OTOGL: variants seen among roughly 807,000 people sequenced by gnomAD.
OTOGL encodes the protein otogelin like.
In OTOGL, 285 loss-of-function variants were observed where a neutral mutation model predicts 318.5. The ratio of observed to expected loss-of-function variants is 0.89; its 90% CI spans 0.81 to 0.99. OTOGL has a LOEUF of 0.99. OTOGL is among the 50% of genes least tolerant of loss of function. The probability of loss-of-function intolerance (pLI) is 0.00; values close to 1 mark genes in which losing one functional copy is unlikely to be tolerated. For missense variants in OTOGL, 2,899 were observed against 2,845.6 expected (o/e 1.02, Z -0.43); for synonymous variants, 987 against 936.5 (o/e 1.05, Z -0.99).
At chr12:80,154,394 A>G (rs557515308) in intron 1 of OTOGL, among the ~76,000 whole-genome samples, 1 of 152,272 alleles carries the variant, frequency 6.6e-6, no homozygotes, top group South Asian at 2.1e-4. Flanking sequence ...CTAATCAGAA[A>G]CCACCAACTG....
chr12:80,143,807 T>C (rs1410838820), intron 1 of OTOGL, among the ~76,000 whole-genome samples: 1 of 152,160 alleles, frequency 6.6e-6, no homozygotes, highest in Admixed American at 6.5e-5. Flanking sequence ...CAATGTTGCG[T>C]CAGTCACTAT....
intron 1 of OTOGL, among the ~76,000 whole-genome samples, chr12:80,104,767 T>C (rs1201822229): frequency 6.6e-6 from 1 of 152,132 alleles, no homozygotes; most frequent in Non-Finnish European, 1.5e-5. Flanking sequence ...ATCTGGTAAA[T>C]TCATAATTTT....
chr12:80,226,177 A>ACACACACACACAC (rs1878824294), intron 7 of OTOGL, among the ~76,000 whole-genome samples: 1 of 132,896 alleles, frequency 7.5e-6, no homozygotes, highest in Non-Finnish European at 1.6e-5. Flanking sequence ...TCCTGCTCCT[A>ACACACACACACAC]ACACACACAC....
intron 44 of OTOGL, among the ~76,000 whole-genome samples, chr12:80,350,711 A>C (rs1889488919): frequency 6.6e-6 from 1 of 152,172 alleles, no homozygotes; most frequent in African/African-American, 2.4e-5. Flanking sequence ...TTTTTTGAGA[A>C]GTATCTATTC....
chr12:80,291,407 G>T (rs555928772), intron 26 of OTOGL, among the ~76,000 whole-genome samples: 1 of 152,274 alleles, frequency 6.6e-6, no homozygotes, highest in Admixed American at 6.5e-5. Flanking sequence ...TGGCTTTGTT[G>T]TAACTTTTTC....
chr12:80,212,222 TGCTATTCA>T (rs1877320693), intron 4 of OTOGL, among the ~76,000 whole-genome samples: 1 of 152,168 alleles, frequency 6.6e-6, no homozygotes, highest in Admixed American at 6.5e-5. Context: ...ATTTTTTTTT[TGCTATTCA>T]GCTCAGTTAC....
At chr12:80,118,895 A>G (rs1469989324) in intron 1 of OTOGL, among the ~76,000 whole-genome samples, 1 of 150,550 alleles carries the variant, frequency 6.6e-6, no homozygotes, top group Non-Finnish European at 1.5e-5. Flanking sequence ...TAAGAAGGAG[A>G]AGAATTGCTC....
intron 1 of OTOGL, among the ~76,000 whole-genome samples, chr12:80,117,953 C>A (rs1406175813): frequency 2.6e-5 from 4 of 152,180 alleles, no homozygotes; most frequent in African/African-American, 9.6e-5. Context: ...CTCCTTTCTT[C>A]AAAGCACATC....
At chr12:80,345,098 ATATAT>A (rs1889090604) in intron 44 of OTOGL, among the ~76,000 whole-genome samples, 1 of 28,052 alleles carries the variant, frequency 3.6e-5, no homozygotes, top group Admixed American at 7.4e-4. Context: ...GTTATATTTT[ATATAT>A]TATAATATAT....
At chr12:80,238,576 G>C (rs1178028202) in intron 9 of OTOGL, among the ~76,000 whole-genome samples, 1 of 152,060 alleles carries the variant, frequency 6.6e-6, no homozygotes, top group Non-Finnish European at 1.5e-5. Context: ...TGTGTACGTT[G>C]TACTCACTCA....
At chr12:80,341,584 A>T (rs1454997698) in intron 43 of OTOGL, among the ~76,000 whole-genome samples, 2 of 152,302 alleles carry the variant, frequency 1.3e-5, no homozygotes, top group Non-Finnish European at 2.9e-5. Flanking sequence ...AATGTCCATT[A>T]CTGTGGAAAG....
rs1200277457 is a variant in OTOGL at position 80,352,337 on chromosome 12, A to G, written c.5308A>G (p.Thr1770Ala). 1 of 1,612,284 alleles carries G rather than the reference A, an allele frequency of 6.2e-7. No homozygotes were observed. ...TTGTGAAAAGATGTGGATCAATTATACCTATTTTTGGAACTATGAATGTGA... is the reference window on the plus strand; with the variant it reads ...TTGTGAAAAGATGTGGATCAATTATGCCTATTTTTGGAACTATGAATGTGA... The part of the protein sequence containing the change: ...DFCEKMWINY[T>A]YFWNYECDAL... The change falls in exon 45 of 59, where the codon ACC becomes GCC. Residue 1770 changes from threonine to alanine, a missense_variant. Thr to Ala is a moderately conservative substitution (Grantham distance 58). This residue lies in a region of OTOGL where 2,607 missense variants were observed against 2,524.9 expected (regional missense o/e 1.03). Coordinates refer to ENST00000547103, the MANE Select transcript of OTOGL (RefSeq NM_001378609.3).
chr12:80,144,391 T>A (rs1383795772), intron 1 of OTOGL, among the ~76,000 whole-genome samples: 1 of 151,462 alleles, frequency 6.6e-6, no homozygotes, highest in Admixed American at 6.6e-5. Context: ...GAACTCATCA[T>A]TTTTTATGGC....
intron 1 of OTOGL, among the ~76,000 whole-genome samples, chr12:80,181,000 G>A (rs1874881305): frequency 6.6e-6 from 1 of 152,118 alleles, no homozygotes; most frequent in African/African-American, 2.4e-5. Flanking sequence ...AGGCATATGG[G>A]TTTGACCTCT....
chr12:80,171,350 G>T (rs987684492), intron 1 of OTOGL, among the ~76,000 whole-genome samples: 28 of 152,208 alleles, frequency 1.8e-4, no homozygotes, highest in South Asian at 1.0e-3. Context: ...AAAGTTCTGG[G>T]ATTACAGACA....
intron 35 of OTOGL, among the ~76,000 whole-genome samples, chr12:80,325,136 G>A (rs1887595069): frequency 6.6e-6 from 1 of 152,020 alleles, no homozygotes; most frequent in Admixed American, 6.6e-5. Context: ...GAACAATTAT[G>A]AGGTTCTATT....
chr12:80,225,383 C>T (rs1592570907), intron 7 of OTOGL, among the ~76,000 whole-genome samples: 2 of 152,040 alleles, frequency 1.3e-5, no homozygotes, highest in East Asian at 3.8e-4. Context: ...TGAACTATGC[C>T]TCTGGAGTTA....
At chr12:80,302,541 A>C in intron 27 of OTOGL, 93 bp from the exon 28 acceptor site, 1 of 856,856 alleles carries the variant, frequency 1.2e-6, no homozygotes. Flanking sequence ...TAGTACATAA[A>C]TAGTTGTTGG....
chr12:80,197,816 T>G (rs1876182622), intron 1 of OTOGL, among the ~76,000 whole-genome samples: 1 of 152,224 alleles, frequency 6.6e-6, no homozygotes, highest in Non-Finnish European at 1.5e-5. Flanking sequence ...ATGTGAGCGA[T>G]GGGGTTGAAC....
Sources: gnomAD v4.1 joint callset for allele counts (sites outside exome capture counted in the v4.1 genomes callset) on GRCh38, gnomAD v4.1.1 for gene constraint, gnomAD v4.1.1 regional missense constraint, MANE v1.5 for transcripts, NCBI Gene and HGNC (gene_info 2026-07-23, HGNC 2026-07-21) for gene names.